UNC13C: variants seen among roughly 807,000 people sequenced by gnomAD.
UNC13C encodes unc-13 homolog C.
A neutral mutation model predicts 245.4 loss-of-function variants in UNC13C; 174 were observed. That is an observed-to-expected ratio of 0.71 (90% CI 0.63 to 0.80). The LOEUF (loss-of-function observed/expected upper bound fraction) is 0.80, where lower values mean the gene tolerates loss of function less well. UNC13C is among the 30% of genes least tolerant of loss of function. The pLI is 0.00. For synonymous variants in UNC13C, 992 were observed against 895.1 expected (o/e 1.11, Z -1.93); for missense variants, 2,829 against 2,602.9 (o/e 1.09, Z -1.89).
chr15:54,245,568 TG>T (rs1467534643), intron 7 of UNC13C, among the ~76,000 whole-genome samples: 2 of 152,188 alleles, frequency 1.3e-5, no homozygotes. Context: ...ATTACTTAGA[TG>T]AGCAAATCAG....
chr15:54,627,046 G>T lies in UNC13C; in HGVS notation c.6578G>T (p.Ser2193Ile). ...TILRILSQRT[S>I]DDVAKEFVRL... The stretch of plus-strand genomic sequence containing the variant: ...CTTAGAATACTCTCTCAGAGGACCA[G>T]TGATGATGTGGCTAAAGAATTTGTA... The change falls in exon 33 of 33, where the codon AGT becomes ATT. Residue 2193 changes from serine (S) to isoleucine (I), a missense_variant. Transcript: ENST00000260323. 4 of 1,613,274 alleles carry T rather than the reference G, an allele frequency of 2.5e-6. No individual in the cohort carries two copies. The highest frequency in any genetic ancestry group is 3.4e-6 in the Non-Finnish European group (4 of 1,179,506).
chr15:54,569,107 T>C (rs1054397654), intron 30 of UNC13C, among the ~76,000 whole-genome samples: 1 of 152,180 alleles, frequency 6.6e-6, no homozygotes, highest in African/African-American at 2.4e-5. Context: ...ACAATTCTAA[T>C]ATATCAAATA....
At chr15:54,323,455 C>T (rs2038218831) in intron 14 of UNC13C, among the ~76,000 whole-genome samples, 2 of 152,066 alleles carry the variant, frequency 1.3e-5, no homozygotes, top group African/African-American at 4.8e-5. Context: ...CCTCAACATG[C>T]TCAATGAAGA....
intron 19 of UNC13C, among the ~76,000 whole-genome samples, chr15:54,454,998 T>A (rs1567288497): frequency 1.3e-5 from 2 of 151,500 alleles, no homozygotes; most frequent in South Asian, 2.1e-4. Flanking sequence ...GTTCATTATA[T>A]CATTATTATG....
chr15:53,919,426 G>T, the UNC13C span, among the ~76,000 whole-genome samples: 123 of 152,258 alleles, frequency 8.1e-4, no homozygotes, highest in African/African-American at 2.7e-3. Flanking sequence ...AGCTCACCTG[G>T]TTGAGTAATG....
intron 4 of UNC13C, among the ~76,000 whole-genome samples, chr15:54,164,216 C>T (rs1424386767): frequency 2.0e-5 from 3 of 151,920 alleles, no homozygotes; most frequent in South Asian, 4.2e-4. Flanking sequence ...ATTTATGTGT[C>T]GTTTAATTTA....
the UNC13C span, among the ~76,000 whole-genome samples, chr15:53,905,612 A>G: frequency 1.3e-5 from 2 of 152,186 alleles, no homozygotes; most frequent in Admixed American, 6.5e-5. Flanking sequence ...GTTGTCAGAG[A>G]CTGGGGGTTG....
intron 26 of UNC13C, among the ~76,000 whole-genome samples, chr15:54,544,552 C>T (rs528227401): frequency 2.2e-4 from 33 of 152,252 alleles, no homozygotes; most frequent in South Asian, 8.3e-4. Flanking sequence ...AAAACCCCAT[C>T]GCCTCAGCCC....
intron 8 of UNC13C, among the ~76,000 whole-genome samples, chr15:54,259,784 T>C (rs2036378181): frequency 1.3e-5 from 2 of 152,226 alleles, no homozygotes; most frequent in South Asian, 4.1e-4. Context: ...GCATGTAGGT[T>C]AACCAAATTC....
chr15:54,318,018 C>T (rs1460346418), intron 13 of UNC13C, among the ~76,000 whole-genome samples: 5 of 151,944 alleles, frequency 3.3e-5, no homozygotes, highest in Admixed American at 6.6e-5. Flanking sequence ...GCTTATTTCA[C>T]ATAATGTCCT....
chr15:54,429,397 G>A (rs1173864292), intron 19 of UNC13C, among the ~76,000 whole-genome samples: 1 of 151,648 alleles, frequency 6.6e-6, no homozygotes, highest in East Asian at 1.9e-4. Context: ...TTTTAAAAGT[G>A]TAATGATTTC....
chr15:54,413,729 A>G (rs79148984), intron 18 of UNC13C, among the ~76,000 whole-genome samples: 6,430 of 152,220 alleles, frequency 0.042, 245 homozygotes, highest in Admixed American at 0.12. Context: ...GTAGTTCTGT[A>G]TGTGTCAATA....
At chr15:54,078,388 C>A (rs1412264954) in intron 2 of UNC13C, among the ~76,000 whole-genome samples, 1 of 152,122 alleles carries the variant, frequency 6.6e-6, no homozygotes, top group Non-Finnish European at 1.5e-5. Context: ...TTTAGTTCCA[C>A]TTTTAGTTAT....
At chr15:54,306,274 G>A (rs1596186468) in intron 13 of UNC13C, among the ~76,000 whole-genome samples, 1 of 151,950 alleles carries the variant, frequency 6.6e-6, no homozygotes, top group East Asian at 1.9e-4. Flanking sequence ...CAGTAGGAGA[G>A]GGATTACAAT....
intron 1 of UNC13C, among the ~76,000 whole-genome samples, chr15:54,004,816 T>C (rs567935151): frequency 1.3e-5 from 2 of 152,346 alleles, no homozygotes; most frequent in Non-Finnish European, 2.9e-5. Flanking sequence ...TTTTGATAAA[T>C]GTCTATTCAA....
intron 4 of UNC13C, among the ~76,000 whole-genome samples, chr15:54,167,373 G>T (rs1394555446): frequency 6.6e-6 from 1 of 151,032 alleles, no homozygotes; most frequent in East Asian, 2.0e-4. Flanking sequence ...GTGATGGTGG[G>T]CGCCTGTAGT....
intron 2 of UNC13C, among the ~76,000 whole-genome samples, chr15:54,042,656 A>G (rs1896855997): frequency 6.6e-6 from 1 of 152,134 alleles, no homozygotes; most frequent in Non-Finnish European, 1.5e-5. Flanking sequence ...GATCGAGACC[A>G]TCCTGGCTAA....
intron 2 of UNC13C, among the ~76,000 whole-genome samples, chr15:54,114,783 G>T (rs1410748639): frequency 2.0e-5 from 3 of 152,054 alleles, no homozygotes; most frequent in African/African-American, 7.2e-5. Context: ...CAGAATCTTT[G>T]TATAAATTTT....
At chr15:54,047,953 T>C (rs1271776344) in intron 2 of UNC13C, among the ~76,000 whole-genome samples, 2 of 152,186 alleles carry the variant, frequency 1.3e-5, no homozygotes, top group Non-Finnish European at 2.9e-5. Flanking sequence ...ATCGTAAGTA[T>C]ACCGTAATAT....
Sources: gnomAD v4.1 joint callset for allele counts (sites outside exome capture counted in the v4.1 genomes callset) on GRCh38, gnomAD v4.1.1 for gene constraint, MANE v1.5 for transcripts, NCBI Gene and HGNC (gene_info 2026-07-23, HGNC 2026-07-21) for gene names.